LPGAT1: variants seen among roughly 807,000 people sequenced by gnomAD.
LPGAT1 encodes lysophosphatidylglycerol acyltransferase 1.
LPGAT1 carries 11 observed loss-of-function variants against 47.5 expected under a neutral mutation model. The ratio of observed to expected loss-of-function variants is 0.23; its 90% CI spans 0.15 to 0.38. The LOEUF (loss-of-function observed/expected upper bound fraction) is 0.38. Among genes scored for constraint, LPGAT1 ranks in the 10% least tolerant of loss-of-function variants. The pLI is 1.00. For missense variants in LPGAT1, 293 were observed against 439.0 expected (o/e 0.67, Z 2.97); for synonymous variants, 138 against 144.2 (o/e 0.96, Z 0.31).
At chr1:211,810,753 T>C (rs192857233) in intron 2 of LPGAT1, among the ~76,000 whole-genome samples, 27 of 152,114 alleles carry the variant, frequency 1.8e-4, no homozygotes, top group Non-Finnish European at 3.2e-4. Flanking sequence ...TGAGCTGAAA[T>C]ATGAAGGGAA....
chr1:211,755,892 T>C (rs1016723087), intron 6 of LPGAT1, among the ~76,000 whole-genome samples: 3 of 152,194 alleles, frequency 2.0e-5, no homozygotes, highest in Non-Finnish European at 4.4e-5. Flanking sequence ...GTTGATGAAA[T>C]ATTTTAATGG....
intron 2 of LPGAT1, among the ~76,000 whole-genome samples, chr1:211,822,338 A>T (rs916798073): frequency 1.3e-5 from 2 of 152,220 alleles, no homozygotes; most frequent in Admixed American, 6.5e-5. Context: ...GTACCACCAA[A>T]TTGCTGAGTT....
At chr1:211,816,244 CAT>C (rs1660169872) in intron 2 of LPGAT1, among the ~76,000 whole-genome samples, 1 of 152,160 alleles carries the variant, frequency 6.6e-6, no homozygotes, top group South Asian at 2.1e-4. Context: ...GCCCTTTTCA[CAT>C]GTGATTCCGT....
At chr1:211,821,673 TACTG>T (rs1193492394) in intron 2 of LPGAT1, among the ~76,000 whole-genome samples, 1 of 152,122 alleles carries the variant, frequency 6.6e-6, no homozygotes, top group Non-Finnish European at 1.5e-5. Flanking sequence ...AAATAAATAT[TACTG>T]ACTAAGATTG....
chr1:211,774,767 TA>T (rs1200838555), intron 6 of LPGAT1, among the ~76,000 whole-genome samples: 1 of 152,220 alleles, frequency 6.6e-6, no homozygotes, highest in African/African-American at 2.4e-5. Flanking sequence ...CTAGAAATCC[TA>T]AAAACCAACA....
chr1:211,830,153 C>G lies in LPGAT1; in HGVS notation c.-28+420G>C. ...TTCCGCGGATGTGGAAGGGTCGTGG[C>G]GGCGGGCGCGGCCCGCGCGCCGGGC... On this transcript the variant is annotated intron_variant, in intron 1 of 7. Coordinates refer to ENST00000366997, the MANE Select transcript of LPGAT1 (RefSeq NM_014873.3). This position sits in a 1 kb window ranked among gnomAD's most constrained non-coding sequence, Gnocchi z 5.9. 1 of 983,372 alleles carries G rather than the reference C, an allele frequency of 1.0e-6. No individual in the cohort carries two copies. The highest frequency in any genetic ancestry group is 4.7e-5 in the South Asian group (1 of 21,376). 60.9% of individuals were successfully genotyped at this position (983,372 alleles called of 1,614,324 possible).
chr1:211,752,223 A>C (rs1279374731), intron 6 of LPGAT1, among the ~76,000 whole-genome samples: 1 of 152,222 alleles, frequency 6.6e-6, no homozygotes, highest in East Asian at 1.9e-4. Context: ...TACATGTAAC[A>C]AATTCAACCA....
chr1:211,781,872 A>G (rs1658656845), intron 5 of LPGAT1, among the ~76,000 whole-genome samples: 3 of 152,230 alleles, frequency 2.0e-5, no homozygotes, highest in Admixed American at 2.0e-4. Context: ...GTAATTTACC[A>G]GACTATCTGC....
At chr1:211,800,770 TA>T (rs764540319) in intron 2 of LPGAT1, among the ~76,000 whole-genome samples, 28 of 152,310 alleles carry the variant, frequency 1.8e-4, no homozygotes, top group Non-Finnish European at 2.8e-4. Context: ...AAGCCTGTGG[TA>T]AAATCAGGGT....
At chr1:211,807,706 C>T (rs1659813301) in intron 2 of LPGAT1, among the ~76,000 whole-genome samples, 1 of 152,090 alleles carries the variant, frequency 6.6e-6, no homozygotes, top group African/African-American at 2.4e-5. Context: ...TGAACCTTGA[C>T]CCAAACCTCA....
intron 6 of LPGAT1, among the ~76,000 whole-genome samples, chr1:211,751,449 A>T (rs991642572): frequency 6.6e-6 from 1 of 152,234 alleles, no homozygotes; most frequent in Non-Finnish European, 1.5e-5. Context: ...CAGGATGTTC[A>T]GTCATTTAGT....
At chr1:211,755,609 T>G (rs986613520) in intron 6 of LPGAT1, among the ~76,000 whole-genome samples, 1 of 151,130 alleles carries the variant, frequency 6.6e-6, no homozygotes, top group African/African-American at 2.4e-5. Flanking sequence ...AAAAACCAAT[T>G]TGAAAATCAC....
intron 2 of LPGAT1, among the ~76,000 whole-genome samples, chr1:211,828,587 A>T (rs1660616761): frequency 6.6e-6 from 1 of 152,204 alleles, no homozygotes. Context: ...AAAGAAAGCC[A>T]TTTTTGCTTG....
In LPGAT1 at chr1:211,829,882, GA is replaced by G. The variant is rs987883849; in HGVS notation, c.-27-560del. Reference sequence around the variant, plus strand: ...GTTTTTGTTTCCCTTTTTTTTTTAAGAAAAAAAATGGGGGGCCTAGAAAAAA... The same window carrying G: ...GTTTTTGTTTCCCTTTTTTTTTTAAGAAAAAAATGGGGGGCCTAGAAAAAA... On this transcript the variant is annotated intron_variant, in intron 1 of 7. Transcript: ENST00000366997. 3.2e-5 allele frequency: 31 copies of G among 972,496 alleles called. No homozygotes were observed. In the African/African-American group the frequency reaches 3.4e-4, roughly 11 times the overall value. The allele number at this position is 972,496 out of a possible 1,614,324, so 60.2% of individuals were successfully genotyped here. A position where few individuals can be genotyped will look rare whatever the true frequency, so the allele number is the denominator to read the frequency against.
At chr1:211,801,944 C>T (rs554456962) in intron 2 of LPGAT1, among the ~76,000 whole-genome samples, 7 of 151,176 alleles carry the variant, frequency 4.6e-5, no homozygotes, top group African/African-American at 1.5e-4. Flanking sequence ...TTAAATTAGC[C>T]AGGCATGGTG....
intron 2 of LPGAT1, among the ~76,000 whole-genome samples, chr1:211,810,488 G>A (rs1351540672): frequency 1.3e-5 from 2 of 152,058 alleles, no homozygotes; most frequent in African/African-American, 4.8e-5. Flanking sequence ...GTCATATTCA[G>A]CTCTCATGCC....
Position 211,830,205 on chromosome 1 carries a change from CGGCTGCGGAGAGCGGGGGCGGGT to C in LPGAT1, c.-28+345_-28+367del. The C allele has an allele frequency of 1.5e-5, 15 of 983,084 alleles. No homozygotes were observed. Among genetic ancestry groups the C allele is most frequent in the Non-Finnish European group, 1.8e-5 (15 of 829,210 alleles). The allele number at this position is 983,084 out of a possible 1,614,324, so 60.9% of individuals were successfully genotyped here. Reference sequence around the variant, plus strand: ...CACCTCGGCGGGCGCGGACGGCGGGCGGCTGCGGAGAGCGGGGGCGGGTGTCCCCCGCCGAGGGGTCGCGGTCA... The same window carrying C: ...CACCTCGGCGGGCGCGGACGGCGGGCGTCCCCCGCCGAGGGGTCGCGGTCA... On this transcript the variant is annotated intron_variant, in intron 1 of 7. Transcript: ENST00000366997. This position sits in a 1 kb window ranked among gnomAD's most constrained non-coding sequence, Gnocchi z 5.9.
intron 2 of LPGAT1, among the ~76,000 whole-genome samples, chr1:211,818,315 G>A (rs1288137306): frequency 6.6e-6 from 1 of 152,154 alleles, no homozygotes; most frequent in Non-Finnish European, 1.5e-5. Flanking sequence ...CCCAAAATAA[G>A]ACAAGAAGCA....
At chr1:211,763,128 T>C (rs1657769971) in intron 6 of LPGAT1, among the ~76,000 whole-genome samples, 1 of 152,200 alleles carries the variant, frequency 6.6e-6, no homozygotes, top group African/African-American at 2.4e-5. Context: ...GAGATATCAC[T>C]TGAATTTGGC....
Sources: gnomAD v4.1 joint callset for allele counts (sites outside exome capture counted in the v4.1 genomes callset) on GRCh38, gnomAD v4.1.1 for gene constraint, Gnocchi (gnomAD v3.1) non-coding constraint, MANE v1.5 for transcripts, NCBI Gene and HGNC (gene_info 2026-07-23, HGNC 2026-07-21) for gene names.